SIX3: variants seen among roughly 807,000 people sequenced by gnomAD.
The protein encoded by SIX3 is homeobox protein SIX3.
A neutral mutation model predicts 21.7 loss-of-function variants in SIX3; 2 were observed. That is an observed-to-expected ratio of 0.09 (90% confidence interval 0.04 to 0.29). SIX3 has a LOEUF of 0.29. SIX3 is among the 10% of genes least tolerant of loss of function. The pLI, the probability that SIX3 is intolerant of heterozygous loss-of-function variation, is 1.00. For synonymous variants in SIX3, 243 were observed against 220.6 expected, an observed-to-expected ratio of 1.10 and a Z score of -0.90; for missense variants, 347 against 480.7, an observed-to-expected ratio of 0.72 and a Z score of 2.60.
rs767493475 is a variant in SIX3, at chr2:44,944,782, C to G, written c.*22C>G. On this transcript the variant is annotated 3_prime_UTR_variant, in exon 2 of 2. Transcript: ENST00000260653. ...ATGATAGCCAAGGCCGCCCTCCTCC[C>G]TCTCCTTCCCCTCCTCCCCCACTCC... 46 of 1,557,630 alleles carry G rather than the reference C, an allele frequency of 3.0e-5. No homozygotes were observed. Among genetic ancestry groups the G allele is most frequent in the Non-Finnish European group, 3.7e-5 (43 of 1,156,938 alleles).
rs964423779 is a variant in SIX3 at position 44,945,426 on chromosome 2, T to G, written c.*666T>G. ...TTGTTGCTCTCTCTCTCTTTTTTTT[T>G]CTCTCGCTCTCTTTCTTTCTCTTCT... On this transcript the variant is annotated 3_prime_UTR_variant, in exon 2 of 2. Coordinates refer to ENST00000260653, the MANE Select transcript of SIX3 (RefSeq NM_005413.4). 1 of 146,246 alleles carries G rather than the reference T, an allele frequency of 6.8e-6. No homozygotes were observed. The highest frequency in any genetic ancestry group is 6.9e-5 in the Admixed American group (1 of 14,588). 9.1% of individuals were successfully genotyped at this position (146,246 alleles called of 1,614,324 possible). A position where few individuals can be genotyped will look rare whatever the true frequency, so the allele number is the denominator to read the frequency against.
chr2:44,943,844 G>T (rs949245092), intron 1 of SIX3, among the ~76,000 whole-genome samples: 2 of 152,236 alleles, frequency 1.3e-5, no homozygotes, highest in African/African-American at 4.8e-5. Context: ...GCTGCCCGTG[G>T]GTGGGGGCTG....
rs1421222935 is a variant in SIX3 at position 44,945,856 on chromosome 2, A to G, written c.*1096A>G. The G allele has an allele frequency of 6.6e-6, 1 of 152,194 alleles. No individual in the cohort carries two copies. The highest frequency in any genetic ancestry group is 2.4e-5 in the African/African-American group (1 of 41,446). The allele number at this position is 152,194 out of a possible 1,614,324, so 9.4% of individuals were successfully genotyped here. A position where few individuals can be genotyped will look rare whatever the true frequency, so the allele number is the denominator to read the frequency against. On this transcript the variant is annotated 3_prime_UTR_variant, in exon 2 of 2. Coordinates refer to ENST00000260653, the MANE Select transcript of SIX3 (RefSeq NM_005413.4). ...GTCGACTTGGCAGTCAAGGAGAGGC[A>G]TGGTGGCCTGGGTTAGGAAGAGGGA...
rs558809633 is a variant in SIX3, at chr2:44,942,255, G to T, written c.151G>T (p.Gly51Trp). 1.9e-6 allele frequency: 3 copies of T among 1,563,210 alleles called. No individual in the cohort carries two copies. The highest frequency in any genetic ancestry group is 1.4e-5 in the African/African-American group (1 of 73,706). Residue 51 changes from glycine to tryptophan, a missense_variant, in exon 1 of 2, where the codon GGG becomes TGG. This residue lies in a region of SIX3 where 105 missense variants were observed against 116.1 expected (regional missense o/e 0.90). Coordinates refer to ENST00000260653, the MANE Select transcript of SIX3 (RefSeq NM_005413.4). The surrounding 1 kb of genome is among the most constrained non-coding windows in gnomAD (Gnocchi z 8.4). The part of the protein sequence containing the change: ...GGGAGGGSGG[G>W]NGAGGGGAGG... Reference sequence around the variant, plus strand: ...CGGCGCGGGAGGCGGCAGCGGCGGCGGGAACGGTGCGGGAGGCGGCGGTGC... The same window carrying T: ...CGGCGCGGGAGGCGGCAGCGGCGGCTGGAACGGTGCGGGAGGCGGCGGTGC...
At position 44,944,911 on chromosome 2, in the gene SIX3, G is replaced by A. The variant is rs1666660761; in HGVS notation, c.*151G>A. 1.4e-6 allele frequency: 1 copy of A among 715,558 alleles called. No homozygotes were observed. The highest frequency in any genetic ancestry group is 2.4e-6 in the Non-Finnish European group (1 of 408,998). The allele number at this position is 715,558 out of a possible 1,614,324, so 44.3% of individuals were successfully genotyped here. A position where few individuals can be genotyped will look rare whatever the true frequency, so the allele number is the denominator to read the frequency against. ...GATACCCAACCATACACACATACAAGTCCACACACACTCCCACCCCAGCCA... is the reference window on the plus strand; with the variant it reads ...GATACCCAACCATACACACATACAAATCCACACACACTCCCACCCCAGCCA... On this transcript the variant is annotated 3_prime_UTR_variant, in exon 2 of 2. Transcript: ENST00000260653.
At chr2:44,944,542 C>A (rs1425036954) in intron 1 of SIX3, 26 bp from the exon 2 acceptor site, 6 of 1,553,378 alleles carry the variant, frequency 3.9e-6, no homozygotes, top group East Asian at 4.8e-5. Context: ...TGTGTCAGGG[C>A]GGGCGCGGAT....
rs1470693668 is a variant in SIX3, at chr2:44,942,560, T to G, written c.456T>G (p.Leu152=). The part of the protein sequence containing the change: ...TGNFRDLYHI[L]ENHKFTKESH... Reference sequence around the variant, plus strand: ...ACTTCCGCGACCTCTACCACATCCTTGAGAACCACAAGTTCACCAAGGAGT... The same window carrying G: ...ACTTCCGCGACCTCTACCACATCCTGGAGAACCACAAGTTCACCAAGGAGT... The change falls in exon 1 of 2, where the codon CTT becomes CTG. Residue 152 remains leucine, a synonymous_variant. Coordinates refer to ENST00000260653, the MANE Select transcript of SIX3 (RefSeq NM_005413.4). The surrounding 1 kb of genome is among the most constrained non-coding windows in gnomAD (Gnocchi z 8.4). 1 of 1,598,534 alleles carries G rather than the reference T, an allele frequency of 6.3e-7. No homozygotes were observed. The highest frequency in any genetic ancestry group is 8.5e-7 in the Non-Finnish European group (1 of 1,179,760).
In SIX3 at chr2:44,941,917, G is replaced by T. The variant is rs987219188; in HGVS notation, c.-188G>T. 5.3e-6 allele frequency: 3 copies of T among 568,056 alleles called. No individual in the cohort carries two copies. The highest frequency in any genetic ancestry group is 9.9e-6 in the Non-Finnish European group (3 of 303,310). 35.2% of individuals were successfully genotyped at this position (568,056 alleles called of 1,614,324 possible). On this transcript the variant is annotated 5_prime_UTR_variant, in exon 1 of 2. Coordinates refer to ENST00000260653, the MANE Select transcript of SIX3 (RefSeq NM_005413.4). Reference sequence around the variant, plus strand: ...GGCTGCGCGGGTGTGTGTGTGTGTGGATGTGTGTGGGGTGTGGGTGTCCCT... The same window carrying T: ...GGCTGCGCGGGTGTGTGTGTGTGTGTATGTGTGTGGGGTGTGGGTGTCCCT...
Position 44,944,714 on chromosome 2 carries a change from C to T in SIX3, c.953C>T (p.Thr318Ile). The T allele has an allele frequency of 6.3e-7, 1 of 1,589,146 alleles. No homozygotes were observed. Among genetic ancestry groups the T allele is most frequent in the Non-Finnish European group, 8.5e-7 (1 of 1,175,158 alleles). ...SSLTERADTGTSILSVTSSDS... is the reference protein window; with the variant it reads ...SSLTERADTGISILSVTSSDS... ...CTGACGGAGCGCGCAGACACCGGCA[C>T]CTCCATCCTCTCGGTAACCTCCAGC... Residue 318 changes from threonine to isoleucine, a missense_variant, in exon 2 of 2, where the codon ACC becomes ATC. Thr to Ile is a moderately conservative substitution (Grantham distance 89). Coordinates refer to ENST00000260653, the MANE Select transcript of SIX3 (RefSeq NM_005413.4).
rs1249260958 is a variant in SIX3 at position 44,946,006 on chromosome 2, A to G, written c.*1246A>G. ...GTAGGGCGCTTTTACTGTTATCTTAAACTGCGTGTTTATCTATATGTAAAA... is the reference window on the plus strand; with the variant it reads ...GTAGGGCGCTTTTACTGTTATCTTAGACTGCGTGTTTATCTATATGTAAAA... On this transcript the variant is annotated 3_prime_UTR_variant, in exon 2 of 2. Transcript: ENST00000260653. 6.6e-6 allele frequency: 1 copy of G among 152,218 alleles called. No individual in the cohort carries two copies. The highest frequency in any genetic ancestry group is 1.9e-4 in the East Asian group (1 of 5,194). The allele number at this position is 152,218 out of a possible 1,614,324, so 9.4% of individuals were successfully genotyped here.
In SIX3 at chr2:44,942,522, T is replaced by C; in HGVS notation, c.418T>C (p.Phe140Leu). 1 of 1,598,442 alleles carries C rather than the reference T, an allele frequency of 6.3e-7. No individual in the cohort carries two copies. The change falls in exon 1 of 2, where the codon TTC becomes CTC. Residue 140 changes from phenylalanine to leucine, a missense_variant. Transcript: ENST00000260653. This position sits in a 1 kb window ranked among gnomAD's most constrained non-coding sequence, Gnocchi z 8.4. ...SILRARAVVAFHTGNFRDLYH... is the reference protein window; with the variant it reads ...SILRARAVVALHTGNFRDLYH... ...CCTGCGCGCGCGCGCCGTGGTCGCC[T>C]TCCACACGGGCAACTTCCGCGACCT... is the stretch of plus-strand genomic sequence containing the variant.
chr2:44,942,419 C>T lies in SIX3; in HGVS notation c.315C>T (p.Ile105=). Residue 105 remains isoleucine, a synonymous_variant, in exon 1 of 2, where the codon ATC becomes ATT. Coordinates refer to ENST00000260653, the MANE Select transcript of SIX3 (RefSeq NM_005413.4). This position sits in a 1 kb window ranked among gnomAD's most constrained non-coding sequence, Gnocchi z 8.4. ...AGACGCTGGAGGAGACGGGCGACATCGAGCGGCTGGGCCGCTTCCTCTGGT... is the reference window on the plus strand; with the variant it reads ...AGACGCTGGAGGAGACGGGCGACATTGAGCGGCTGGGCCGCTTCCTCTGGT... The part of the protein sequence containing the change: ...VCETLEETGD[I]ERLGRFLWSL... The T allele has an allele frequency of 6.3e-7, 1 of 1,597,822 alleles. No homozygotes were observed. Among genetic ancestry groups the T allele is most frequent in the Non-Finnish European group, 8.5e-7 (1 of 1,179,604 alleles).
chr2:44,942,305 C>A lies in SIX3; in HGVS notation c.201C>A (p.Gly67=). 3 of 1,578,028 alleles carry A rather than the reference C, an allele frequency of 1.9e-6. No individual in the cohort carries two copies. Among genetic ancestry groups the A allele is most frequent in the Non-Finnish European group, 2.6e-6 (3 of 1,169,748 alleles). ...GGAGGAGGGG[G]GGSRAPPEEL... ...CTGGCGGAGCAGGCGGCGGCGGCGG[C>A]GGCGGCTCCAGGGCCCCCCCGGAAG... The change falls in exon 1 of 2, where the codon GGC becomes GGA. Residue 67 remains glycine (G), a synonymous_variant. Transcript: ENST00000260653. The surrounding 1 kb of genome is among the most constrained non-coding windows in gnomAD (Gnocchi z 8.4).
Position 44,942,429 on chromosome 2 carries a change from G to A in SIX3, c.325G>A (p.Gly109Ser). ...GGAGACGGGCGACATCGAGCGGCTG[G>A]GCCGCTTCCTCTGGTCGCTGCCCGT... ...LEETGDIERL[G>S]RFLWSLPVAP... The change falls in exon 1 of 2, where the codon GGC (glycine) becomes AGC (serine). Residue 109 changes from glycine (G) to serine (S), a missense_variant. Gly to Ser is a moderately conservative substitution (Grantham distance 56). This residue lies in a region of SIX3 where 117 missense variants were observed against 205.9 expected (regional missense o/e 0.57). Transcript: ENST00000260653. This position sits in a 1 kb window ranked among gnomAD's most constrained non-coding sequence, Gnocchi z 8.4. 1 of 1,597,744 alleles carries A rather than the reference G, an allele frequency of 6.3e-7. No homozygotes were observed. The highest frequency in any genetic ancestry group is 8.5e-7 in the Non-Finnish European group (1 of 1,179,568).
Position 44,942,327 on chromosome 2 carries a change from G to A in SIX3, c.223G>A (p.Glu75Lys), listed in dbSNP as rs1666597012. Residue 75 changes from glutamate (E) to lysine (K), a missense_variant, in exon 1 of 2, where the codon GAA becomes AAA. Physicochemically the swap from Glu to Lys is moderately conservative, Grantham distance 56. Coordinates refer to ENST00000260653, the MANE Select transcript of SIX3 (RefSeq NM_005413.4). The surrounding 1 kb of genome is among the most constrained non-coding windows in gnomAD (Gnocchi z 8.4). ...GGGGGSRAPP[E>K]ELSMFQLPTL... The stretch of plus-strand genomic sequence containing the variant: ...CGGCGGCGGCTCCAGGGCCCCCCCG[G>A]AAGAGTTGTCCATGTTCCAGCTGCC... 6.3e-7 allele frequency: 1 copy of A among 1,594,328 alleles called. No individual in the cohort carries two copies. Among genetic ancestry groups the A allele is most frequent in the Non-Finnish European group, 8.5e-7 (1 of 1,178,092 alleles).
At position 44,944,598 on chromosome 2, in the gene SIX3, C is replaced by T. The variant is rs768948897; in HGVS notation, c.837C>T (p.Gly279=). 6.3e-7 allele frequency: 1 copy of T among 1,577,270 alleles called. No homozygotes were observed. Among genetic ancestry groups the T allele is most frequent in the South Asian group, 1.1e-5 (1 of 88,570 alleles). ...AGCACCAGGCCATTGGACCGAGCGG[C>T]ATGCGCTCGCTGGCCGAGCCCGGCT... ...RLQHQAIGPS[G]MRSLAEPGCP... The change falls in exon 2 of 2, where the codon GGC becomes GGT. Residue 279 remains glycine (G), a synonymous_variant. Transcript: ENST00000260653.
chr2:44,944,196 C>A (rs1041293720), intron 1 of SIX3, among the ~76,000 whole-genome samples: 1 of 152,246 alleles, frequency 6.6e-6, no homozygotes, highest in African/African-American at 2.4e-5. Flanking sequence ...GTATGCAGTT[C>A]TACCCGGAGA....
Position 44,941,729 on chromosome 2 carries a change from T to C in SIX3, c.-376T>C, listed in dbSNP as rs1666571904. On this transcript the variant is annotated 5_prime_UTR_variant, in exon 1 of 2. Transcript: ENST00000260653. The stretch of plus-strand genomic sequence containing the variant: ...ACTCACTGTGGATTTAGGGGAGATA[T>C]TATGAGGCTGTTGTCATTAGGGCGA... 3.6e-6 allele frequency: 1 copy of C among 279,678 alleles called. No individual in the cohort carries two copies. The highest frequency in any genetic ancestry group is 2.2e-5 in the African/African-American group (1 of 45,946). The allele number at this position is 279,678 out of a possible 1,614,324, so 17.3% of individuals were successfully genotyped here. A position where few individuals can be genotyped will look rare whatever the true frequency, so the allele number is the denominator to read the frequency against.
chr2:44,944,539 G>C (rs1487531946), intron 1 of SIX3, 29 bp from the exon 2 acceptor site: 2 of 1,551,802 alleles, frequency 1.3e-6, no homozygotes, highest in East Asian at 2.4e-5. Context: ...CTCTGTGTCA[G>C]GGCGGGCGCG....
Sources: gnomAD v4.1 joint callset for allele counts (sites outside exome capture counted in the v4.1 genomes callset) on GRCh38, gnomAD v4.1.1 for gene constraint, gnomAD v4.1.1 regional missense constraint, Gnocchi (gnomAD v3.1) non-coding constraint, MANE v1.5 for transcripts, NCBI Gene and HGNC (gene_info 2026-07-23, HGNC 2026-07-21) for gene names.